MTMR1: variants seen among roughly 807,000 people sequenced by gnomAD.
MTMR1 encodes myotubularin related protein 1.
Under a neutral mutation model 51.6 loss-of-function variants are expected in MTMR1, and 17 were observed. The ratio of observed to expected loss-of-function variants is 0.33; its 90% CI spans 0.23 to 0.49. The LOEUF is 0.49. Among genes scored for constraint, MTMR1 ranks in the 20% least tolerant of loss-of-function variants. MTMR1 has a pLI of 0.99. For missense variants in MTMR1, 386 were observed against 526.9 expected (o/e 0.73, Z 2.62); for synonymous variants, 201 against 205.6 (o/e 0.98, Z 0.19).
At chrX:150,760,379 TGAGAAGGCAGTGGCTCGATTGGCTGCC>T (rs1344954402) in intron 15 of MTMR1, among the ~76,000 whole-genome samples, 2 of 110,546 alleles carry the variant, frequency 1.8e-5, no homozygotes, top group African/African-American at 3.3e-5. Flanking sequence ...CTCTTTTCTC[TGAGAAGGCAGTGGCTCGATTGGCTGCC>T]GAGAAAGGGG....
Position 150,698,680 on chromosome X carries a change from G to GCGCACACA in MTMR1, c.147-514_147-513insGCACACAC, listed in dbSNP as rs1491104991. Among the ~76,000 whole-genome samples, 31 of 62,964 alleles carry GCGCACACA rather than the reference G, an allele frequency of 4.9e-4. 1 individual carries two copies. The East Asian group carries it at 7.0e-3, about 14-fold the overall frequency. 54.7% of individuals were successfully genotyped at this position (62,964 alleles called of 115,157 possible). Reference sequence around the variant, plus strand: ...GGCAAAACCCTGTCTACACGCGCGCGCACACACACACACACACACACACAC... The same window carrying GCGCACACA: ...GGCAAAACCCTGTCTACACGCGCGCGCGCACACACACACACACACACACACACACACAC... On this transcript the variant is annotated intron_variant, in intron 1 of 15. Transcript: ENST00000445323.
chrX:150,758,209 A>C (rs1304293785), intron 15 of MTMR1, among the ~76,000 whole-genome samples: 1 of 110,528 alleles, frequency 9.0e-6, no homozygotes, highest in Non-Finnish European at 1.9e-5. Flanking sequence ...CAGAGGACTC[A>C]CACCTGCCCA....
intron 10 of MTMR1, among the ~76,000 whole-genome samples, chrX:150,733,319 C>A (rs952863021): frequency 9.0e-6 from 1 of 111,565 alleles, no homozygotes; most frequent in African/African-American, 3.3e-5. Flanking sequence ...TGGCATTGCT[C>A]CTCGAACTTG....
At chrX:150,734,065 G>A (rs2042194501) in intron 10 of MTMR1, among the ~76,000 whole-genome samples, 2 of 112,493 alleles carry the variant, frequency 1.8e-5, no homozygotes, top group South Asian at 7.3e-4. Context: ...TTCAAGGGGA[G>A]AATCTGTTCC....
chrX:150,738,432 G>A (rs1421691842), intron 12 of MTMR1, among the ~76,000 whole-genome samples: 1 of 112,306 alleles, frequency 8.9e-6, no homozygotes, highest in East Asian at 2.8e-4. Flanking sequence ...AGAATACTGC[G>A]TGAATGTTAG....
Position 150,736,338 on chromosome X carries a change from C to T in MTMR1, c.1081-257C>T, listed in dbSNP as rs1016792064. On this transcript the variant is annotated intron_variant, in intron 10 of 15. Transcript: ENST00000445323. ...AGGAAGGATCCTCCCCTAGAGTGTT[C>T]GGAGGAAGCATGGCACTGCCGATAC... 30 of 311,302 alleles carry T rather than the reference C, an allele frequency of 9.6e-5. No individual in the cohort carries two copies. In the Middle Eastern group the frequency reaches 3.6e-3, roughly 37 times the overall value. 25.7% of individuals were successfully genotyped at this position (311,302 alleles called of 1,213,427 possible).
Position 150,732,717 on chromosome X carries a change from C to T in MTMR1, c.1067C>T (p.Ala356Val). 1.7e-6 allele frequency: 2 copies of T among 1,201,977 alleles called. No individual in the cohort carries two copies. Among genetic ancestry groups the T allele is most frequent in the Non-Finnish European group, 2.2e-6 (2 of 889,465 alleles). Residue 356 changes from alanine (A) to valine (V), a missense_variant, in exon 10 of 16, where the codon GCT becomes GTT. Transcript: ENST00000445323. ...TTTGATGCTCGACAAAACAGTGTCG[C>T]TGATACCAACAAGGTATATTCTTAA... ...IIFDARQNSV[A>V]DTNKTKGGGY...
chrX:150,762,371 C>T (rs1352661607), intron 15 of MTMR1, among the ~76,000 whole-genome samples, 194 bp from the exon 16 acceptor site: 3 of 111,951 alleles, frequency 2.7e-5, no homozygotes, highest in Non-Finnish European at 5.6e-5. Flanking sequence ...GCAGGGCGGC[C>T]TCAGTGGCAG....
intron 12 of MTMR1, among the ~76,000 whole-genome samples, chrX:150,742,834 A>AAAAG (rs58279512): frequency 0.076 from 7,655 of 101,130 alleles, 690 homozygotes; most frequent in African/African-American, 0.21. Flanking sequence ...AAAAAAAAAA[A>AAAAG]AAAGAAAGAA....
chrX:150,730,871 A>T (rs994774376), intron 8 of MTMR1, among the ~76,000 whole-genome samples: 3 of 111,950 alleles, frequency 2.7e-5, no homozygotes, highest in Non-Finnish European at 5.6e-5. Flanking sequence ...CAAATTTGCC[A>T]GATGGTTTTT....
intron 2 of MTMR1, among the ~76,000 whole-genome samples, chrX:150,702,330 A>G (rs1408428143): frequency 7.2e-5 from 8 of 111,184 alleles, no homozygotes; most frequent in African/African-American, 2.6e-4. Flanking sequence ...TTACTGAATC[A>G]GAGTGTCTGA....
At chrX:150,704,122 A>G (rs1049533380) in intron 2 of MTMR1, among the ~76,000 whole-genome samples, 12 of 111,963 alleles carry the variant, frequency 1.1e-4, no homozygotes, top group African/African-American at 3.9e-4. Flanking sequence ...GAAAAGGCAG[A>G]CTAGCTAGGG....
At chrX:150,719,971 C>A (rs1255564340) in intron 4 of MTMR1, among the ~76,000 whole-genome samples, 1 of 111,535 alleles carries the variant, frequency 9.0e-6, no homozygotes, top group Non-Finnish European at 1.9e-5. Context: ...CTGCCTGGCC[C>A]CACTCCAATA....
chrX:150,693,878 T>C (rs2040575011), intron 1 of MTMR1, among the ~76,000 whole-genome samples: 2 of 103,414 alleles, frequency 1.9e-5, no homozygotes, highest in South Asian at 9.7e-4. Flanking sequence ...CCCTCGGACC[T>C]GCTGCGGGCC....
chrX:150,726,105 C>T (rs2041915209), intron 4 of MTMR1, among the ~76,000 whole-genome samples: 1 of 111,966 alleles, frequency 8.9e-6, no homozygotes, highest in East Asian at 2.8e-4. Context: ...AGGAGGTGAG[C>T]AGCGGGCTAG....
intron 4 of MTMR1, among the ~76,000 whole-genome samples, chrX:150,720,582 T>C (rs1398995773): frequency 8.9e-6 from 1 of 112,144 alleles, no homozygotes; most frequent in Non-Finnish European, 1.9e-5. Context: ...ATAAAGCTGC[T>C]GTGAACACTA....
chrX:150,760,358 GCCTGTTGGGCCT>G (rs1377096984), intron 15 of MTMR1, among the ~76,000 whole-genome samples: 1 of 99,099 alleles, frequency 1.0e-5, no homozygotes, highest in Non-Finnish European at 2.2e-5. Flanking sequence ...GCAGATGCAA[GCCTGTTGGGCCT>G]CTTTTCTCTG....
rs1557418163 is a variant in MTMR1, at chrX:150,763,199, T to TGTTAA, written c.*470_*471insGTTAA. ...ACAGTTTTCTTCATGCACGGGGTCC[T>TGTTAA]CCTGTTAACAATTACTGTTGTGTAC... is the stretch of plus-strand genomic sequence containing the variant. On this transcript the variant is annotated 3_prime_UTR_variant, in exon 16 of 16. Coordinates refer to ENST00000445323, the MANE Select transcript of MTMR1 (RefSeq NM_001306144.3). 1 of 118,016 alleles carries TGTTAA rather than the reference T, an allele frequency of 8.5e-6. No individual in the cohort carries two copies. Among genetic ancestry groups the TGTTAA allele is most frequent in the African/African-American group, 3.2e-5 (1 of 31,155 alleles). The allele number at this position is 118,016 out of a possible 1,213,427, so 9.7% of individuals were successfully genotyped here.
chrX:150,762,828 G>A lies in MTMR1; in HGVS notation c.*99G>A, dbSNP rs2043186466. 4.2e-6 allele frequency: 4 copies of A among 958,378 alleles called. No homozygotes were observed. The African/African-American group carries it at 8.1e-5, about 19-fold the overall frequency. The allele number at this position is 958,378 out of a possible 1,213,427, so 79.0% of individuals were successfully genotyped here. A position where few individuals can be genotyped will look rare whatever the true frequency, so the allele number is the denominator to read the frequency against. ...TGTAGCTTGTGATCTTGTCTTTTAG[G>A]ATTAGGCCCAGGGACCATTTGTGTG... On this transcript the variant is annotated 3_prime_UTR_variant, in exon 16 of 16. Transcript: ENST00000445323.
Sources: allele counts gnomAD v4.1 joint callset (sites outside exome capture counted in the v4.1 genomes callset), GRCh38; gene constraint gnomAD v4.1.1; transcripts MANE v1.5; gene names NCBI Gene and HGNC (gene_info 2026-07-23, HGNC 2026-07-21).